THSD4: variants seen among roughly 807,000 people sequenced by gnomAD.
The protein encoded by THSD4 is thrombospondin type-1 domain-containing protein 4.
Under a neutral mutation model 119.0 loss-of-function variants are expected in THSD4, and 69 were observed. That is an observed-to-expected ratio of 0.58 (90% CI 0.48 to 0.71). THSD4 has a LOEUF of 0.71. Among genes scored for constraint, THSD4 ranks in the 30% least tolerant of loss-of-function variants. THSD4 has a pLI of 0.00. For missense variants in THSD4, 1,393 were observed against 1,391.1 expected (o/e 1.00, Z -0.02); for synonymous variants, 524 against 540.4 (o/e 0.97, Z 0.42).
At chr15:71,515,011 A>C (rs2048337624) in intron 7 of THSD4, among the ~76,000 whole-genome samples, 1 of 152,194 alleles carries the variant, frequency 6.6e-6, no homozygotes, top group Non-Finnish European at 1.5e-5. Flanking sequence ...ACATTTGCTC[A>C]CTTTTTTTCA....
chr15:71,340,697 C>T (rs996131307), intron 6 of THSD4, among the ~76,000 whole-genome samples: 1 of 150,830 alleles, frequency 6.6e-6, no homozygotes, highest in Non-Finnish European at 1.5e-5. Context: ...CCTCTGCCTG[C>T]TGGGTTCAAG....
intron 6 of THSD4, among the ~76,000 whole-genome samples, chr15:71,375,754 A>T (rs1015172085): frequency 3.9e-5 from 6 of 152,122 alleles, no homozygotes; most frequent in African/African-American, 1.4e-4. Flanking sequence ...CATCAGCATC[A>T]CCTGGGAACT....
chr15:71,136,037 T>C (rs1482280612), intron 1 of THSD4, among the ~76,000 whole-genome samples: 1 of 142,046 alleles, frequency 7.0e-6, no homozygotes, highest in Non-Finnish European at 1.5e-5. Context: ...GAAGCTTTCC[T>C]GTCCACTCAA....
intron 6 of THSD4, among the ~76,000 whole-genome samples, chr15:71,353,784 T>G (rs542163893): frequency 2.6e-4 from 40 of 152,354 alleles, no homozygotes; most frequent in African/African-American, 9.4e-4. Flanking sequence ...AGCATGGACT[T>G]AAGAATCAGA....
rs558932673 is a variant in THSD4 at position 71,344,996 on chromosome 15, G to T, written c.1016-66691G>T. On this transcript the variant is annotated intron_variant, in intron 6 of 17. Coordinates refer to ENST00000261862, the MANE Select transcript of THSD4 (RefSeq NM_024817.3). ...TCATGTGGGAGATGGGTAGCAAGCA[G>T]TGTGTGGGTTAGAGGGGGCGAAAGA... 5.3e-5 allele frequency among the ~76,000 whole-genome samples: 8 copies of T among 152,248 alleles called. No individual in the cohort carries two copies. The South Asian group carries it at 1.5e-3, about 28-fold the overall frequency.
At chr15:71,309,668 G>A (rs973138454) in intron 6 of THSD4, among the ~76,000 whole-genome samples, 2 of 152,306 alleles carry the variant, frequency 1.3e-5, no homozygotes, top group South Asian at 4.1e-4. Context: ...TAAATGGTGT[G>A]AGAAAGTGGT....
intron 7 of THSD4, among the ~76,000 whole-genome samples, chr15:71,522,779 G>A (rs2048461659): frequency 6.6e-6 from 1 of 152,216 alleles, no homozygotes; most frequent in East Asian, 1.9e-4. Flanking sequence ...AAAGGTGTCA[G>A]TGGCAGAGTT....
intron 6 of THSD4, among the ~76,000 whole-genome samples, chr15:71,339,418 C>A (rs2045533629): frequency 6.6e-6 from 1 of 152,124 alleles, no homozygotes; most frequent in Non-Finnish European, 1.5e-5. Flanking sequence ...CACCTCTGTA[C>A]TTTGCACAAA....
At chr15:71,612,403 A>T (rs2050247580) in intron 7 of THSD4, among the ~76,000 whole-genome samples, 1 of 152,216 alleles carries the variant, frequency 6.6e-6, no homozygotes, top group Admixed American at 6.5e-5. Context: ...AATATTTCAT[A>T]GAAAAAGTGG....
intron 7 of THSD4, among the ~76,000 whole-genome samples, chr15:71,529,582 A>T (rs1159224166): frequency 6.6e-6 from 1 of 152,230 alleles, no homozygotes; most frequent in Non-Finnish European, 1.5e-5. Context: ...CAATCAGATT[A>T]AACACTCATG....
rs537467836 is a variant in THSD4 at position 71,559,150 on chromosome 15, C to T, written c.1153-101380C>T. Among the ~76,000 whole-genome samples, 331 of 152,238 alleles carry T rather than the reference C, an allele frequency of 2.2e-3. 3 individuals are homozygous for T. Among genetic ancestry groups the T allele is most frequent in the African/African-American group, 7.6e-3 (315 of 41,538 alleles). On this transcript the variant is annotated intron_variant, in intron 7 of 17. Coordinates refer to ENST00000261862, the MANE Select transcript of THSD4 (RefSeq NM_024817.3). The stretch of plus-strand genomic sequence containing the variant: ...GTGCGCTGCCTCATCTGTCAGTATT[C>T]GAAGAAGACATGTTGAAACCTCCCT...
intron 7 of THSD4, among the ~76,000 whole-genome samples, chr15:71,528,183 A>C (rs1273419258): frequency 6.6e-6 from 1 of 152,144 alleles, no homozygotes; most frequent in Non-Finnish European, 1.5e-5. Context: ...GAGACAGCTA[A>C]CTTGGAAACT....
chr15:71,599,327 G>A (rs780075211), intron 7 of THSD4, among the ~76,000 whole-genome samples: 6 of 152,008 alleles, frequency 3.9e-5, no homozygotes, highest in East Asian at 1.9e-4. Flanking sequence ...TGTCCCCTGC[G>A]GAGAGTCCAA....
chr15:71,306,947 TC>T (rs2045038588), intron 6 of THSD4, among the ~76,000 whole-genome samples: 1 of 152,222 alleles, frequency 6.6e-6, no homozygotes, highest in South Asian at 2.1e-4. Flanking sequence ...TTAATTGGCC[TC>T]ATGTCCCAGT....
intron 7 of THSD4, among the ~76,000 whole-genome samples, chr15:71,543,507 G>C: frequency 6.6e-6 from 1 of 152,288 alleles, no homozygotes; most frequent in Non-Finnish European, 1.5e-5. Context: ...ATGAAAAAGC[G>C]AGGGAGTGGG....
At chr15:71,715,553 G>A (rs1358898310) in intron 8 of THSD4, among the ~76,000 whole-genome samples, 1 of 152,030 alleles carries the variant, frequency 6.6e-6, no homozygotes, top group East Asian at 1.9e-4. Context: ...TTTTTTTAAT[G>A]AGACCAGGTA....
At chr15:71,312,241 T>C (rs2045120415) in intron 6 of THSD4, among the ~76,000 whole-genome samples, 1 of 151,992 alleles carries the variant, frequency 6.6e-6, no homozygotes, top group African/African-American at 2.4e-5. Flanking sequence ...GGCAGGAGAA[T>C]CGCTGGAAAC....
At position 71,396,648 on chromosome 15, in the gene THSD4, A is replaced by G. The variant is rs185406120; in HGVS notation, c.1016-15039A>G. Reference sequence around the variant, plus strand: ...CCAAAGCTGTAAAACACCGGCCATGACCTCCCGCTTCTGCTGAAGCTGTCA... The same window carrying G: ...CCAAAGCTGTAAAACACCGGCCATGGCCTCCCGCTTCTGCTGAAGCTGTCA... On this transcript the variant is annotated intron_variant, in intron 6 of 17. Coordinates refer to ENST00000261862, the MANE Select transcript of THSD4 (RefSeq NM_024817.3). 1.3e-5 allele frequency among the ~76,000 whole-genome samples: 2 copies of G among 152,068 alleles called. 1 individual carries two copies. The highest frequency in any genetic ancestry group is 1.3e-4 in the Admixed American group (2 of 15,278).
intron 6 of THSD4, among the ~76,000 whole-genome samples, chr15:71,401,288 A>G (rs1171090309): frequency 6.6e-6 from 1 of 152,206 alleles, no homozygotes; most frequent in Non-Finnish European, 1.5e-5. Context: ...TTGATTTTGA[A>G]TAGAGATGGG....
Sources: gnomAD v4.1 joint callset for allele counts (sites outside exome capture counted in the v4.1 genomes callset) on GRCh38, gnomAD v4.1.1 for gene constraint, MANE v1.5 for transcripts, NCBI Gene and HGNC (gene_info 2026-07-23, HGNC 2026-07-21) for gene names.